BCL2: variants seen among roughly 807,000 people sequenced by gnomAD.
The protein encoded by BCL2 is apoptosis regulator Bcl-2.
A neutral mutation model predicts 14.2 loss-of-function variants in BCL2; 1 was observed. That is an observed-to-expected ratio of 0.07 (90% CI 0.02 to 0.33). The LOEUF (loss-of-function observed/expected upper bound fraction) is 0.33, where lower values mean the gene tolerates loss of function less well. Ranked by LOEUF, BCL2 falls within the 10% of genes least tolerant of loss-of-function variation. BCL2 has a pLI of 0.99. For synonymous variants in BCL2, 151 were observed against 137.2 expected (o/e 1.10, Z -0.70); for missense variants, 247 against 305.9 (o/e 0.81, Z 1.44).
At chr18:63,307,072 C>T (rs779194351) in intron 2 of BCL2, among the ~76,000 whole-genome samples, 1 of 152,096 alleles carries the variant, frequency 6.6e-6, no homozygotes, top group Admixed American at 6.5e-5. Context: ...CTTGTTCTGT[C>T]TGCTTTAATC....
At chr18:63,259,041 C>G (rs1038982256) in intron 2 of BCL2, among the ~76,000 whole-genome samples, 1 of 152,192 alleles carries the variant, frequency 6.6e-6, no homozygotes, top group Non-Finnish European at 1.5e-5. Flanking sequence ...TTTATTGAAC[C>G]CATAAAAAGA....
intron 2 of BCL2, among the ~76,000 whole-genome samples, chr18:63,241,903 A>G (rs776647765): frequency 5.9e-5 from 9 of 152,242 alleles, no homozygotes; most frequent in Non-Finnish European, 1.2e-4. Flanking sequence ...ATTGTGGCCG[A>G]CACTAATAGG....
intron 2 of BCL2, among the ~76,000 whole-genome samples, chr18:63,176,513 C>G (rs60405107): frequency 0.094 from 14,245 of 152,284 alleles, 1,220 homozygotes; most frequent in African/African-American, 0.22. Context: ...ATGAATAAAT[C>G]AAACAGTGAA....
intron 2 of BCL2, chr18:63,317,049 C>T (rs756862487): frequency 6.6e-6 from 1 of 151,926 alleles, no homozygotes; most frequent in Non-Finnish European, 1.5e-5. Context: ...CCCCCTCCAA[C>T]AAAGAATCTC....
intron 2 of BCL2, among the ~76,000 whole-genome samples, chr18:63,301,878 C>T (rs1293597471): frequency 6.6e-6 from 1 of 152,084 alleles, no homozygotes; most frequent in Non-Finnish European, 1.5e-5. Flanking sequence ...GTTAAAAGAA[C>T]AAAAATACTG....
rs74631289 is a variant in BCL2, at chr18:63,157,077, T to C, written c.586-28318A>G. Among the ~76,000 whole-genome samples the C allele has an allele frequency of 2.9e-3, 436 of 152,340 alleles. 2 individuals are homozygous for C. The highest frequency in any genetic ancestry group is 0.01 in the African/African-American group (418 of 41,568). On this transcript the variant is annotated intron_variant, in intron 2 of 2. Transcript: ENST00000333681. The stretch of plus-strand genomic sequence containing the variant: ...TTGCACAAATAAACAATTAAGTTAA[T>C]TGTGGGTCTGACAAATATTTTGTTT...
intron 2 of BCL2, among the ~76,000 whole-genome samples, chr18:63,268,291 ACCC>A (rs1911895444): frequency 6.6e-6 from 1 of 152,112 alleles, no homozygotes; most frequent in Non-Finnish European, 1.5e-5. Flanking sequence ...AGCAAAACCA[ACCC>A]CCAGTTAAGG....
chr18:63,212,269 A>T (rs978393407), intron 2 of BCL2, among the ~76,000 whole-genome samples: 1 of 151,716 alleles, frequency 6.6e-6, no homozygotes, highest in Non-Finnish European at 1.5e-5. Context: ...CAGAGGTTGC[A>T]GTGAGCCAAG....
At chr18:63,283,260 C>T (rs186242594) in intron 2 of BCL2, among the ~76,000 whole-genome samples, 18 of 152,268 alleles carry the variant, frequency 1.2e-4, no homozygotes, top group African/African-American at 1.9e-4. Flanking sequence ...AGTTCTGAAA[C>T]GCCCATCTCT....
chr18:63,193,251 AACT>A (rs1909336534), intron 2 of BCL2, among the ~76,000 whole-genome samples: 1 of 152,214 alleles, frequency 6.6e-6, no homozygotes, highest in Non-Finnish European at 1.5e-5. Context: ...TGAACTTAAC[AACT>A]ACATTTCAAA....
chr18:63,245,986 CT>C (rs774414861), intron 2 of BCL2, among the ~76,000 whole-genome samples: 2 of 152,170 alleles, frequency 1.3e-5, no homozygotes, highest in Non-Finnish European at 2.9e-5. Context: ...TACTGACTTT[CT>C]AATCTGTGAA....
intron 2 of BCL2, among the ~76,000 whole-genome samples, chr18:63,177,006 T>G (rs1383798133): frequency 6.6e-6 from 1 of 151,848 alleles, no homozygotes; most frequent in African/African-American, 2.4e-5. Flanking sequence ...AGCCTCGACT[T>G]CCTGGGCTCA....
intron 2 of BCL2, among the ~76,000 whole-genome samples, chr18:63,195,853 G>C (rs1178084357): frequency 2.6e-5 from 4 of 152,314 alleles, no homozygotes; most frequent in African/African-American, 9.6e-5. Context: ...CTCACACCTA[G>C]AAGTGGCACA....
intron 2 of BCL2, among the ~76,000 whole-genome samples, chr18:63,178,047 C>T (rs1337655094): frequency 6.6e-6 from 1 of 152,190 alleles, no homozygotes; most frequent in Non-Finnish European, 1.5e-5. Flanking sequence ...AGACTCGGGG[C>T]CTCTGGTGTT....
chr18:63,218,758 C>G (rs113864753), intron 2 of BCL2, among the ~76,000 whole-genome samples: 1 of 15,578 alleles, frequency 6.4e-5, no homozygotes, highest in East Asian at 2.0e-3. Flanking sequence ...CTCCACTCAT[C>G]CCCCTCTACT....
At chr18:63,206,767 T>A (rs1243673094) in intron 2 of BCL2, among the ~76,000 whole-genome samples, 1 of 145,638 alleles carries the variant, frequency 6.9e-6, no homozygotes, top group African/African-American at 2.6e-5. Flanking sequence ...GACTCTGGTG[T>A]GGGTGGGAAG....
intron 2 of BCL2, among the ~76,000 whole-genome samples, chr18:63,276,876 AGGCATTGTAT>A (rs1317159013): frequency 6.6e-6 from 1 of 152,206 alleles, no homozygotes; most frequent in Non-Finnish European, 1.5e-5. Context: ...ATTACAGTTA[AGGCATTGTAT>A]GGATGGTTTG....
At chr18:63,292,402 A>G (rs1912677118) in intron 2 of BCL2, among the ~76,000 whole-genome samples, 1 of 152,190 alleles carries the variant, frequency 6.6e-6, no homozygotes, top group Non-Finnish European at 1.5e-5. Flanking sequence ...TAGATATGAA[A>G]GAATGGCAAT....
At chr18:63,259,728 G>C (rs1911599796) in intron 2 of BCL2, among the ~76,000 whole-genome samples, 3 of 152,226 alleles carry the variant, frequency 2.0e-5, no homozygotes, top group Admixed American at 6.5e-5. Context: ...GGTCACCTCG[G>C]AATGGACTTC....
Sources: allele counts gnomAD v4.1 joint callset (sites outside exome capture counted in the v4.1 genomes callset), GRCh38; gene constraint gnomAD v4.1.1; transcripts MANE v1.5; gene names NCBI Gene and HGNC (gene_info 2026-07-23, HGNC 2026-07-21).